The following FHIP1A variants were observed in gnomAD, a reference collection of about 807,000 sequenced individuals.
FHIP1A encodes the protein FHF complex subunit HOOK interacting protein 1A.
A neutral mutation model predicts 88.6 loss-of-function variants in FHIP1A; 61 were observed. That is an observed-to-expected ratio of 0.69 (90% confidence interval 0.56 to 0.85). The LOEUF (loss-of-function observed/expected upper bound fraction) is 0.85, where lower values mean the gene tolerates loss of function less well. Ranked by LOEUF, FHIP1A falls within the 40% of genes least tolerant of loss-of-function variation. FHIP1A has a pLI of 0.00. For synonymous variants in FHIP1A, 478 were observed against 496.0 expected (o/e 0.96, Z 0.48); for missense variants, 1,154 against 1,273.5 (o/e 0.91, Z 1.43).
At chr4:151,443,153 T>C (rs953258694) in intron 1 of FHIP1A, among the ~76,000 whole-genome samples, 2 of 152,010 alleles carry the variant, frequency 1.3e-5, no homozygotes, top group Non-Finnish European at 2.9e-5. Flanking sequence ...AGCAAATCAC[T>C]TGGGCGTGGT....
At chr4:151,435,825 CT>C (rs2126548903) in intron 1 of FHIP1A, among the ~76,000 whole-genome samples, 1 of 150,510 alleles carries the variant, frequency 6.6e-6, no homozygotes, top group South Asian at 2.1e-4. Flanking sequence ...TATAAAAAAT[CT>C]TTGTAGAATC....
At chr4:151,541,281 G>A (rs557402958) in intron 3 of FHIP1A, among the ~76,000 whole-genome samples, 2 of 152,270 alleles carry the variant, frequency 1.3e-5, no homozygotes, top group Middle Eastern at 3.4e-3. Context: ...GAGTGAAGAG[G>A]GACATTATCA....
At chr4:151,472,276 G>A (rs1729547847) in intron 2 of FHIP1A, among the ~76,000 whole-genome samples, 2 of 151,972 alleles carry the variant, frequency 1.3e-5, no homozygotes, top group Admixed American at 6.6e-5. Context: ...CCTGTCAGCT[G>A]GCTTTTAACG....
chr4:151,447,499 A>G (rs1728649246), intron 1 of FHIP1A, among the ~76,000 whole-genome samples: 1 of 152,048 alleles, frequency 6.6e-6, no homozygotes, highest in South Asian at 2.1e-4. Context: ...GAATCACCAT[A>G]CTTTTCCTGA....
chr4:151,659,789 A>G (rs1366969786), intron 13 of FHIP1A, among the ~76,000 whole-genome samples: 1 of 152,186 alleles, frequency 6.6e-6, no homozygotes, highest in Admixed American at 6.5e-5. Context: ...AGCCCCGATG[A>G]AAAACGAGCC....
intron 9 of FHIP1A, among the ~76,000 whole-genome samples, chr4:151,642,148 T>A (rs556872643): frequency 2.6e-5 from 4 of 152,212 alleles, no homozygotes; most frequent in Middle Eastern, 3.2e-3. Flanking sequence ...ATTGTCCACC[T>A]CCACGGATAT....
At position 151,623,388 on chromosome 4, in the gene FHIP1A, G is replaced by A. The variant is rs529395492; in HGVS notation, c.979-6314G>A. ...TATAAAATGCCTGGGAGGGAATGGGGAGGGAGTGGAAATGGATGAGGTGTT... is the reference window on the plus strand; with the variant it reads ...TATAAAATGCCTGGGAGGGAATGGGAAGGGAGTGGAAATGGATGAGGTGTT... On this transcript the variant is annotated intron_variant, in intron 7 of 13. Transcript: ENST00000435205. 5.9e-5 allele frequency among the ~76,000 whole-genome samples: 9 copies of A among 152,232 alleles called. No homozygotes were observed. In the East Asian group the frequency reaches 1.2e-3, roughly 20 times the overall value.
intron 2 of FHIP1A, among the ~76,000 whole-genome samples, chr4:151,468,004 G>C (rs1334157672): frequency 7.8e-6 from 1 of 128,984 alleles, no homozygotes; most frequent in African/African-American, 2.9e-5. Flanking sequence ...AAAAAAAAAA[G>C]CCGGGCATGT....
rs1253297736 is a variant in FHIP1A at position 151,649,752 on chromosome 4, G to A, written c.1711G>A (p.Asp571Asn). 2 of 1,551,570 alleles carry A rather than the reference G, an allele frequency of 1.3e-6. No homozygotes were observed. Among genetic ancestry groups the A allele is most frequent in the African/African-American group, 2.7e-5 (2 of 73,052 alleles). The change falls in exon 11 of 14, where the codon GAC becomes AAC. Residue 571 changes from aspartate to asparagine, a missense_variant. Transcript: ENST00000435205. Reference sequence around the variant, plus strand: ...AGGACCTCAGCTGGCTCCCAGAAAGGACAAGAGCCAGACAGAGCTGGAATG... The same window carrying A: ...AGGACCTCAGCTGGCTCCCAGAAAGAACAAGAGCCAGACAGAGCTGGAATG... ...KTGPQLAPRK[D>N]KSQTELEWDD...
At chr4:151,530,297 G>A (rs1286564202) in intron 3 of FHIP1A, among the ~76,000 whole-genome samples, 2 of 152,052 alleles carry the variant, frequency 1.3e-5, no homozygotes, top group African/African-American at 4.8e-5. Flanking sequence ...AGGGTTTTAT[G>A]GTTGCCCTCA....
intron 3 of FHIP1A, among the ~76,000 whole-genome samples, chr4:151,497,348 A>G (rs1252128131): frequency 1.3e-5 from 2 of 152,252 alleles, no homozygotes; most frequent in Non-Finnish European, 2.9e-5. Context: ...AGATTTCCCC[A>G]AACTATCTAT....
At position 151,646,644 on chromosome 4, in the gene FHIP1A, T is replaced by C; in HGVS notation, c.1313T>C (p.Leu438Pro). 1 of 1,551,628 alleles carries C rather than the reference T, an allele frequency of 6.4e-7. No individual in the cohort carries two copies. The part of the protein sequence containing the change: ...RDCYSVSAAK[L>P]LALTPVCCSS... ...TGTTACTCTGTTTCTGCGGCCAAGCTTCTCGCCTTGACTCCTGTCTGCTGC... is the reference window on the plus strand; with the variant it reads ...TGTTACTCTGTTTCTGCGGCCAAGCCTCTCGCCTTGACTCCTGTCTGCTGC... Residue 438 changes from leucine to proline, a missense_variant, in exon 10 of 14, where the codon CTT becomes CCT. Leu to Pro is a moderately conservative substitution (Grantham distance 98). Coordinates refer to ENST00000435205, the MANE Select transcript of FHIP1A (RefSeq NM_001109977.3).
intron 5 of FHIP1A, among the ~76,000 whole-genome samples, chr4:151,579,533 G>A (rs1386724297): frequency 6.6e-6 from 1 of 152,154 alleles, no homozygotes; most frequent in South Asian, 2.1e-4. Flanking sequence ...AGCAGGTATT[G>A]TAACAAATCA....
At chr4:151,645,492 G>A (rs1269051261) in intron 9 of FHIP1A, among the ~76,000 whole-genome samples, 1 of 151,866 alleles carries the variant, frequency 6.6e-6, no homozygotes, top group Non-Finnish European at 1.5e-5. Flanking sequence ...TGTCCTGAAA[G>A]TCGTACTTTT....
At chr4:151,446,231 C>T (rs1019955325) in intron 1 of FHIP1A, among the ~76,000 whole-genome samples, 2 of 152,044 alleles carry the variant, frequency 1.3e-5, no homozygotes, top group South Asian at 2.1e-4. Context: ...TTTTTAAAAT[C>T]GAGATGTGAT....
chr4:151,646,534 C>CTTTTT, intron 9 of FHIP1A, 24 bp from the exon 10 acceptor site: 1 of 1,526,874 alleles, frequency 6.5e-7, no homozygotes, highest in Non-Finnish European at 8.9e-7. Flanking sequence ...AGAGACCAAA[C>CTTTTT]GCTTGTTCTT....
intron 8 of FHIP1A, among the ~76,000 whole-genome samples, chr4:151,635,660 T>C (rs1434015480): frequency 6.6e-6 from 1 of 151,812 alleles, no homozygotes; most frequent in African/African-American, 2.4e-5. Context: ...ATTCCACTCA[T>C]GTAAGGGATC....
intron 3 of FHIP1A, among the ~76,000 whole-genome samples, chr4:151,542,004 A>G (rs1266741099): frequency 6.6e-6 from 1 of 152,146 alleles, no homozygotes; most frequent in Non-Finnish European, 1.5e-5. Context: ...AGCCTTGGGA[A>G]GTTCACACCA....
In FHIP1A at chr4:151,650,192, A is replaced by G. The variant is rs1322415974; in HGVS notation, c.2151A>G (p.Glu717=). The G allele has an allele frequency of 6.4e-7, 1 of 1,551,674 alleles. No homozygotes were observed. Among genetic ancestry groups the G allele is most frequent in the Non-Finnish European group, 8.7e-7 (1 of 1,146,972 alleles). The change falls in exon 11 of 14, where the codon GAA becomes GAG. Residue 717 remains glutamate (E), a synonymous_variant. Transcript: ENST00000435205. ...CCAAGGAGCCAAAGCAAGAGAGGGA[A>G]CCTGAAGCAGCCCCAGAATCCAACT... ...SEPKEPKQER[E]PEAAPESNSE...
Sources: gnomAD v4.1 joint callset for allele counts (sites outside exome capture counted in the v4.1 genomes callset) on GRCh38, gnomAD v4.1.1 for gene constraint, MANE v1.5 for transcripts, NCBI Gene and HGNC (gene_info 2026-07-23, HGNC 2026-07-21) for gene names.